ACAN: variants seen among roughly 807,000 people sequenced by gnomAD.
ACAN encodes the protein aggrecan.
In ACAN, 47 loss-of-function variants were observed where a neutral mutation model predicts 169.1. The ratio of observed to expected loss-of-function variants is 0.28; its 90% CI spans 0.22 to 0.35. The LOEUF (loss-of-function observed/expected upper bound fraction) is 0.35. Among genes scored for constraint, ACAN ranks in the 10% least tolerant of loss-of-function variants. The pLI, the probability that ACAN is intolerant of heterozygous loss-of-function variation, is 1.00. For missense variants in ACAN, 2,716 were observed against 2,759.9 expected, an observed-to-expected ratio of 0.98 and a Z score of 0.36; for synonymous variants, 1,115 against 1,112.2, an observed-to-expected ratio of 1.00 and a Z score of -0.05.
Position 88,839,901 on chromosome 15 carries a change from G to T in ACAN, c.455-111G>T. 7.5e-7 allele frequency: 1 copy of T among 1,337,242 alleles called. No homozygotes were observed. The highest frequency in any genetic ancestry group is 1.0e-6 in the Non-Finnish European group (1 of 973,580). 82.8% of individuals were successfully genotyped at this position (1,337,242 alleles called of 1,614,324 possible). On this transcript the variant is annotated intron_variant, in intron 3 of 18. Transcript: ENST00000560601. The surrounding 1 kb of genome is among the most constrained non-coding windows in gnomAD (Gnocchi z 4.5). ...GGGAGTCATGCATCAGCCCAGACCAGCCAGTTCCCTAAGGTCCCTTTGACT... is the reference window on the plus strand; with the variant it reads ...GGGAGTCATGCATCAGCCCAGACCATCCAGTTCCCTAAGGTCCCTTTGACT...
intron 1 of ACAN, among the ~76,000 whole-genome samples, chr15:88,831,964 G>T (rs1323604216): frequency 2.0e-5 from 3 of 152,168 alleles, no homozygotes; most frequent in Non-Finnish European, 2.9e-5. Context: ...GATGTGTTTT[G>T]GGTGGCTTCT....
intron 2 of ACAN, among the ~76,000 whole-genome samples, chr15:88,836,976 G>T (rs1004995416): frequency 5.9e-5 from 9 of 152,228 alleles, no homozygotes; most frequent in Non-Finnish European, 1.2e-4. Context: ...AAAGGAAGGG[G>T]AGTCAGCAGG....
At position 88,859,232 on chromosome 15, in the gene ACAN, G is replaced by T; in HGVS notation, c.6647G>T (p.Ser2216Ile). The T allele has an allele frequency of 6.2e-7, 1 of 1,613,862 alleles. No individual in the cohort carries two copies. Among genetic ancestry groups the T allele is most frequent in the Non-Finnish European group, 8.5e-7 (1 of 1,179,874 alleles). Residue 2216 changes from serine (S) to isoleucine (I), a missense_variant, in exon 12 of 19, where the codon AGC becomes ATC. By Grantham distance (142) the Ser-to-Ile change is moderately radical. Coordinates refer to ENST00000560601, the MANE Select transcript of ACAN (RefSeq NM_001369268.1). ...CAGCTGGGCGTTGTCATCAGCACCAGCATCCCAGAGTCTGAGTGGACCCAG... is the reference window on the plus strand; with the variant it reads ...CAGCTGGGCGTTGTCATCAGCACCATCATCCCAGAGTCTGAGTGGACCCAG... Reference protein sequence around the residue: ...TSQLGVVISTSIPESEWTQQT... With the variant: ...TSQLGVVISTIIPESEWTQQT...
intron 13 of ACAN, among the ~76,000 whole-genome samples, chr15:88,862,520 G>A (rs996330888): frequency 2.0e-5 from 3 of 152,168 alleles, no homozygotes; most frequent in African/African-American, 4.8e-5. Context: ...AGTGAGTGGT[G>A]GGGATCAGCC....
At chr15:88,841,623 T>G in intron 4 of ACAN, 117 bp from the exon 5 acceptor site, 1 of 1,303,734 alleles carries the variant, frequency 7.7e-7, no homozygotes, top group South Asian at 1.4e-5. Context: ...AGAAGAGACA[T>G]TGTCAAATGC....
intron 13 of ACAN, among the ~76,000 whole-genome samples, chr15:88,867,891 G>A (rs1297973579): frequency 6.6e-6 from 1 of 152,210 alleles, no homozygotes; most frequent in Non-Finnish European, 1.5e-5. Flanking sequence ...GCATCTTGGA[G>A]GAACTCTATG....
Position 88,858,176 on chromosome 15 carries a change from A to G in ACAN, c.5591A>G (p.Asp1864Gly). ...ELSGLPSGEA[D>G]LSGKSGMVDV... ...AGTGGCCTCCCTTCCGGAGAGGCAG[A>G]TCTGTCAGGCAAATCTGGGATGGTG... is the stretch of plus-strand genomic sequence containing the variant. Residue 1864 changes from aspartate (D) to glycine (G), a missense_variant, in exon 12 of 19, where the codon GAT becomes GGT. Around this residue, in one of 3 missense-constraint regions of ACAN, gnomAD observed 1,389 missense variants for 1,363.7 expected, o/e 1.02. Coordinates refer to ENST00000560601, the MANE Select transcript of ACAN (RefSeq NM_001369268.1). This position sits in a 1 kb window ranked among gnomAD's most constrained non-coding sequence, Gnocchi z 4.0. The G allele has an allele frequency of 6.2e-7, 1 of 1,613,922 alleles. No homozygotes were observed. Among genetic ancestry groups the G allele is most frequent in the South Asian group, 1.1e-5 (1 of 91,082 alleles).
In ACAN at chr15:88,839,055, C is replaced by T. The variant is rs750538859; in HGVS notation, c.454+9C>T. On this transcript the variant is annotated intron_variant, in intron 3 of 18. Coordinates refer to ENST00000560601, the MANE Select transcript of ACAN (RefSeq NM_001369268.1). The surrounding 1 kb of genome is among the most constrained non-coding windows in gnomAD (Gnocchi z 4.5). ...GGAAGTCGTGGTGAAAGGTGAGAGCCTCCCACAGGGACAGACGCTGCTTCA... is the reference window on the plus strand; with the variant it reads ...GGAAGTCGTGGTGAAAGGTGAGAGCTTCCCACAGGGACAGACGCTGCTTCA... 4 of 1,600,052 alleles carry T rather than the reference C, an allele frequency of 2.5e-6. No homozygotes were observed. Among genetic ancestry groups the T allele is most frequent in the South Asian group, 1.1e-5 (1 of 91,058 alleles).
intron 1 of ACAN, among the ~76,000 whole-genome samples, chr15:88,804,313 T>C (rs1895621168): frequency 6.6e-6 from 1 of 152,124 alleles, no homozygotes; most frequent in Non-Finnish European, 1.5e-5. Flanking sequence ...GGACACTATG[T>C]CAGGGACACA....
chr15:88,844,501 G>T lies in ACAN; in HGVS notation c.1051+853G>T, dbSNP rs113702124. 4.1e-3 allele frequency among the ~76,000 whole-genome samples: 623 copies of T among 152,066 alleles called. 4 individuals carry two copies. The highest frequency in any genetic ancestry group is 0.014 in the East Asian group (70 of 5,164). The stretch of plus-strand genomic sequence containing the variant: ...CGATTCTTCTGCCTCAGCCTCCCAG[G>T]TAGATTGGGATTACAGGTGTGCACC... On this transcript the variant is annotated intron_variant, in intron 6 of 18. Transcript: ENST00000560601.
intron 4 of ACAN, among the ~76,000 whole-genome samples, chr15:88,841,477 A>G (rs372122144): frequency 6.0e-5 from 8 of 133,972 alleles, no homozygotes; most frequent in African/African-American, 2.4e-4. Context: ...TAAAATATTT[A>G]CTATCTTGCC....
rs1896778141 is a variant in ACAN at position 88,845,729 on chromosome 15, G to A, written c.1276G>A (p.Ala426Thr). 6.2e-7 allele frequency: 1 copy of A among 1,613,880 alleles called. No individual in the cohort carries two copies. The highest frequency in any genetic ancestry group is 1.3e-5 in the African/African-American group (1 of 75,078). The change falls in exon 7 of 19, where the codon GCC becomes ACC. Residue 426 changes from alanine to threonine, a missense_variant. Coordinates refer to ENST00000560601, the MANE Select transcript of ACAN (RefSeq NM_001369268.1). ...EPFTFAPEIG[A>T]TAFAEVENET... Reference sequence around the variant, plus strand: ...CTTCACGTTTGCCCCTGAAATAGGGGCCACTGCCTTCGCTGAGGTTGAGAA... The same window carrying A: ...CTTCACGTTTGCCCCTGAAATAGGGACCACTGCCTTCGCTGAGGTTGAGAA...
In ACAN at chr15:88,872,762, T is replaced by C; in HGVS notation, c.7303-119T>C. On this transcript the variant is annotated intron_variant, in intron 16 of 18. Coordinates refer to ENST00000560601, the MANE Select transcript of ACAN (RefSeq NM_001369268.1). This position sits in a 1 kb window ranked among gnomAD's most constrained non-coding sequence, Gnocchi z 5.4. Reference sequence around the variant, plus strand: ...TTTTTGTGCTGCTATCAGATGAGCCTGAAGTTGGTGCTAAAAGAGAAAGGA... The same window carrying C: ...TTTTTGTGCTGCTATCAGATGAGCCCGAAGTTGGTGCTAAAAGAGAAAGGA... 3 of 1,281,470 alleles carry C rather than the reference T, an allele frequency of 2.3e-6. No individual in the cohort carries two copies. Among genetic ancestry groups the C allele is most frequent in the Non-Finnish European group, 3.2e-6 (3 of 932,972 alleles). 79.4% of individuals were successfully genotyped at this position (1,281,470 alleles called of 1,614,324 possible).
chr15:88,847,469 A>C, intron 8 of ACAN, 52 bp downstream of exon 8: 1 of 1,481,732 alleles, frequency 6.7e-7, no homozygotes, highest in Non-Finnish European at 9.0e-7. Flanking sequence ...GGTCAGGCTT[A>C]AGGAGCCACA....
rs1165542372 is a variant in ACAN, at chr15:88,828,920, T to C, written c.-7-7280T>C. 3.3e-5 allele frequency among the ~76,000 whole-genome samples: 5 copies of C among 152,334 alleles called. No individual in the cohort carries two copies. In the East Asian group the frequency reaches 9.6e-4, roughly 29 times the overall value. ...ACAGGTTTGTCTGCACTCACTAGGCTAGAAGCAACTCCAAGGAAAAACCTT... is the reference window on the plus strand; with the variant it reads ...ACAGGTTTGTCTGCACTCACTAGGCCAGAAGCAACTCCAAGGAAAAACCTT... On this transcript the variant is annotated intron_variant, in intron 1 of 18. Coordinates refer to ENST00000560601, the MANE Select transcript of ACAN (RefSeq NM_001369268.1).
chr15:88,867,217 T>A (rs549968996), intron 13 of ACAN, among the ~76,000 whole-genome samples: 1 of 152,210 alleles, frequency 6.6e-6, no homozygotes, highest in Non-Finnish European at 1.5e-5. Context: ...GGCTAATTCA[T>A]GAAAATTTGA....
Position 88,858,620 on chromosome 15 carries a change from C to T in ACAN, c.6035C>T (p.Thr2012Ile). 6.2e-7 allele frequency: 1 copy of T among 1,613,940 alleles called. No homozygotes were observed. The highest frequency in any genetic ancestry group is 1.3e-5 in the African/African-American group (1 of 75,024). ...PYFSGDFAST[T>I]NVSGESSVAM... ...TTTAGTGGGGATTTTGCCAGCACCA[C>T]CAATGTAAGTGGAGAATCCTCTGTA... The change falls in exon 12 of 19, where the codon ACC becomes ATC. Residue 2012 changes from threonine to isoleucine, a missense_variant. Coordinates refer to ENST00000560601, the MANE Select transcript of ACAN (RefSeq NM_001369268.1). This position sits in a 1 kb window ranked among gnomAD's most constrained non-coding sequence, Gnocchi z 4.0.
At chr15:88,824,618 C>G (rs1031842144) in intron 1 of ACAN, among the ~76,000 whole-genome samples, 2 of 152,130 alleles carry the variant, frequency 1.3e-5, no homozygotes, top group African/African-American at 2.4e-5. Context: ...GTGGCTCATG[C>G]CTATAATCCC....
At chr15:88,850,261 G>A (rs1404326603) in intron 10 of ACAN, 3 of 189,928 alleles carry the variant, frequency 1.6e-5, no homozygotes, top group Non-Finnish European at 3.3e-5. Flanking sequence ...TTTGTGATGA[G>A]TTTAGTCAAA....
Sources: gnomAD v4.1 joint callset for allele counts (sites outside exome capture counted in the v4.1 genomes callset) on GRCh38, gnomAD v4.1.1 for gene constraint, gnomAD v4.1.1 regional missense constraint, Gnocchi (gnomAD v3.1) non-coding constraint, MANE v1.5 for transcripts, NCBI Gene and HGNC (gene_info 2026-07-23, HGNC 2026-07-21) for gene names.